Variants in BAIAP2 observed in about 807,000 individuals in gnomAD.
BAIAP2 encodes the protein BAR/IMD domain containing adaptor protein 2, also known as BAR/IMD domain-containing adapter protein 2.
BAIAP2 carries 18 observed loss-of-function variants against 63.0 expected under a neutral mutation model. The ratio of observed to expected loss-of-function variants is 0.29; its 90% CI spans 0.20 to 0.42. The LOEUF is 0.42. BAIAP2 is among the 10% of genes least tolerant of loss of function. The pLI is 1.00. For missense variants in BAIAP2, 610 were observed against 734.3 expected (o/e 0.83, Z 1.96); for synonymous variants, 386 against 307.6 (o/e 1.25, Z -2.67).
At chr17:81,063,864 C>T (rs2051011966) in intron 3 of BAIAP2, 1 of 152,440 alleles carries the variant, frequency 6.6e-6, no homozygotes, top group Non-Finnish European at 1.5e-5. Context: ...AAGGTGCTGT[C>T]CCTGCTCTCT....
At chr17:81,105,396 G>A (rs2059057316) in intron 10 of BAIAP2, 1 of 154,112 alleles carries the variant, frequency 6.5e-6, no homozygotes. Context: ...TGCAGAGCAG[G>A]GCTTGGCCAT....
intron 13 of BAIAP2, among the ~76,000 whole-genome samples, chr17:81,114,237 G>C (rs1469125226): frequency 6.6e-6 from 1 of 150,852 alleles, no homozygotes; most frequent in East Asian, 1.9e-4. Context: ...GCCTCTCAGA[G>C]TGCTGGGATT....
At position 81,053,734 on chromosome 17, in the gene BAIAP2, G is replaced by T; in HGVS notation, c.121G>T (p.Ala41Ser). The T allele has an allele frequency of 6.2e-7, 1 of 1,614,036 alleles. No homozygotes were observed. The change falls in exon 2 of 14, where the codon GCA becomes TCA. Residue 41 changes from alanine (A) to serine (S), a missense_variant. Physicochemically the swap from Ala to Ser is moderately conservative, Grantham distance 99. Coordinates refer to ENST00000428708, the MANE Select transcript of BAIAP2 (RefSeq NM_001144888.2). The stretch of plus-strand genomic sequence containing the variant: ...CGCCATGGGGAAGAATTACGAGAAG[G>T]CACTGGCAGGTGGAACTGCGCCCGG... Reference protein sequence around the residue: ...FIAMGKNYEKALAGVTYAAKG... With the variant: ...FIAMGKNYEKSLAGVTYAAKG...
At chr17:81,061,100 G>C (rs995198835) in intron 3 of BAIAP2, among the ~76,000 whole-genome samples, 3 of 152,158 alleles carry the variant, frequency 2.0e-5, no homozygotes, top group African/African-American at 7.2e-5. Context: ...CTCCAGCCTG[G>C]GAGACAGAGC....
chr17:81,081,333 C>T (rs189508847), intron 3 of BAIAP2, among the ~76,000 whole-genome samples: 7 of 152,318 alleles, frequency 4.6e-5, no homozygotes, highest in Middle Eastern at 3.4e-3. Context: ...GATCCTGCTC[C>T]TCAGCACAGG....
chr17:81,071,229 G>T (rs1474601408), intron 3 of BAIAP2, among the ~76,000 whole-genome samples: 1 of 152,178 alleles, frequency 6.6e-6, no homozygotes, highest in Non-Finnish European at 1.5e-5. Context: ...GAAGGGGCGG[G>T]ATTGGGAGTC....
At chr17:81,053,496 A>G (rs8080252) in intron 1 of BAIAP2, 172 bp from the exon 2 acceptor site, 76,871 of 674,610 alleles carry the variant, frequency 0.11, 4,883 homozygotes, top group Non-Finnish European at 0.14. Context: ...TCCCAAGGAC[A>G]TTGATCAGGG....
In BAIAP2 at chr17:81,104,687, C is replaced by T; in HGVS notation, c.1240C>T (p.His414Tyr). 3 of 1,596,360 alleles carry T rather than the reference C, an allele frequency of 1.9e-6. No individual in the cohort carries two copies. The highest frequency in any genetic ancestry group is 1.3e-5 in the African/African-American group (1 of 74,574). ...LLVPEARDGW[H>Y]YGESEKTKMR... ...GGTGCCTGAGGCCCGCGATGGCTGG[C>T]ACTACGGAGAGAGTGAGAAGACCAA... The change falls in exon 10 of 14, where the codon CAC becomes TAC. Residue 414 changes from histidine to tyrosine, a missense_variant. By Grantham distance (83) the His-to-Tyr change is moderately conservative. Transcript: ENST00000428708.
intron 1 of BAIAP2, among the ~76,000 whole-genome samples, chr17:81,050,845 C>G (rs984373440): frequency 6.7e-6 from 1 of 148,744 alleles, no homozygotes; most frequent in Non-Finnish European, 1.5e-5. Flanking sequence ...CGGCCGCATC[C>G]TCCTCACTTG....
intron 2 of BAIAP2, among the ~76,000 whole-genome samples, chr17:81,056,036 G>T (rs2049498907): frequency 6.6e-6 from 1 of 152,152 alleles, no homozygotes; most frequent in African/African-American, 2.4e-5. Context: ...CTTCCCTATG[G>T]TGCACCCCAG....
At chr17:81,072,573 C>G (rs913818118) in intron 3 of BAIAP2, among the ~76,000 whole-genome samples, 2 of 152,336 alleles carry the variant, frequency 1.3e-5, no homozygotes, top group East Asian at 3.9e-4. Context: ...ATTCCTGGCC[C>G]CTGTCCGAGA....
At chr17:81,091,169 C>T (rs1418627898) in intron 6 of BAIAP2, among the ~76,000 whole-genome samples, 2 of 133,396 alleles carry the variant, frequency 1.5e-5, no homozygotes, top group Middle Eastern at 3.7e-3. Context: ...CCAGTGCACC[C>T]CACCCCCATT....
intron 13 of BAIAP2, 54 bp from the exon 14 acceptor site, chr17:81,115,716 C>G: frequency 6.2e-7 from 1 of 1,609,140 alleles, no homozygotes; most frequent in Non-Finnish European, 8.5e-7. Context: ...CCAGGTGGCA[C>G]AATTCACCCA....
At chr17:81,057,189 T>A (rs1454495655) in intron 2 of BAIAP2, 1 of 152,162 alleles carries the variant, frequency 6.6e-6, no homozygotes, top group African/African-American at 2.4e-5. Context: ...CCCTGTCAGG[T>A]GGAGGAGTTT....
At chr17:81,109,013 G>A (rs2059543766) in intron 13 of BAIAP2, 1 of 1,544,702 alleles carries the variant, frequency 6.5e-7, no homozygotes, top group Non-Finnish European at 8.7e-7. Context: ...GCTGACCCCG[G>A]GCAGCCGCTG....
intron 1 of BAIAP2, among the ~76,000 whole-genome samples, chr17:81,037,413 C>CTG (rs1018688872): frequency 1.3e-5 from 2 of 152,262 alleles, no homozygotes; most frequent in African/African-American, 4.8e-5. Context: ...GGGAGCCTGA[C>CTG]TGCTGAGTCT....
chr17:81,085,221 G>T, intron 4 of BAIAP2: 1 of 505,792 alleles, frequency 2.0e-6, no homozygotes, highest in Non-Finnish European at 3.6e-6. Flanking sequence ...TGGCCTCTCC[G>T]ACTGTAGGCA....
At chr17:81,077,563 C>CAAAAA (rs10564899) in intron 3 of BAIAP2, among the ~76,000 whole-genome samples, 1 of 146,956 alleles carries the variant, frequency 6.8e-6, no homozygotes. Flanking sequence ...GACTCTGTCT[C>CAAAAA]AAAAAAAAAA....
chr17:81,086,691 CAG>C lies in BAIAP2; in HGVS notation c.489+114_489+115del, dbSNP rs2055710187. ...CAGCAGCCCCCCAGGTGCGATCAGA[CAG>C]AGGCAGGCTGTGTGTCCCTGGTAGA... On this transcript the variant is annotated intron_variant, in intron 6 of 13. Transcript: ENST00000428708. 7.1e-6 allele frequency: 9 copies of C among 1,274,858 alleles called. No homozygotes were observed. The Admixed American group carries it at 1.0e-4, about 14-fold the overall frequency. 79.0% of individuals were successfully genotyped at this position (1,274,858 alleles called of 1,614,324 possible). A position where few individuals can be genotyped will look rare whatever the true frequency, so the allele number is the denominator to read the frequency against.
Sources: gnomAD v4.1 joint callset for allele counts (sites outside exome capture counted in the v4.1 genomes callset) on GRCh38, gnomAD v4.1.1 for gene constraint, MANE v1.5 for transcripts, NCBI Gene and HGNC (gene_info 2026-07-23, HGNC 2026-07-21) for gene names.